GRM7: variants seen among roughly 807,000 people sequenced by gnomAD.
GRM7 encodes the protein glutamate metabotropic receptor 7, also known as metabotropic glutamate receptor 7.
In GRM7, 35 loss-of-function variants were observed where a neutral mutation model predicts 84.5. That is an observed-to-expected ratio of 0.41 (90% CI 0.32 to 0.55). GRM7 has a LOEUF of 0.55. Among genes scored for constraint, GRM7 ranks in the 20% least tolerant of loss-of-function variants. GRM7 has a pLI of 0.19. For missense variants in GRM7, 1,003 were observed against 1,194.6 expected (o/e 0.84, Z 2.36); for synonymous variants, 487 against 455.1 (o/e 1.07, Z -0.89).
In GRM7 at chr3:7,505,523, C is replaced by T. The variant is rs116937210; in HGVS notation, c.1515+43801C>T. Among the ~76,000 whole-genome samples the T allele has an allele frequency of 4.6e-5, 7 of 152,306 alleles. No individual in the cohort carries two copies. In the East Asian group the frequency reaches 1.4e-3, roughly 29 times the overall value. ...CCACCGTGTGGTCTATGTCTAGGCC[C>T]CTAGACTTTTGTGATATCCTTTGAA... On this transcript the variant is annotated intron_variant, in intron 7 of 9. Coordinates refer to ENST00000357716, the MANE Select transcript of GRM7 (RefSeq NM_000844.4).
chr3:7,213,937 A>G (rs1696515692), intron 2 of GRM7, among the ~76,000 whole-genome samples: 1 of 152,208 alleles, frequency 6.6e-6, no homozygotes, highest in Admixed American at 6.5e-5. Context: ...AGTATGTCCC[A>G]GTAAAGAACA....
At chr3:7,186,661 G>C (rs1227113579) in intron 2 of GRM7, among the ~76,000 whole-genome samples, 1 of 152,102 alleles carries the variant, frequency 6.6e-6, no homozygotes, top group African/African-American at 2.4e-5. Flanking sequence ...GCATGATTTT[G>C]TGTTATCATG....
intron 2 of GRM7, among the ~76,000 whole-genome samples, chr3:7,208,029 G>C (rs962767647): frequency 6.6e-6 from 1 of 152,148 alleles, no homozygotes; most frequent in African/African-American, 2.4e-5. Context: ...GCTGCCTTAA[G>C]ATTGAATGTG....
intron 9 of GRM7, among the ~76,000 whole-genome samples, chr3:7,703,190 C>T (rs553714888): frequency 1.3e-5 from 2 of 152,240 alleles, no homozygotes; most frequent in South Asian, 2.1e-4. Flanking sequence ...ATGTTCTCCA[C>T]TCTGATCTTA....
chr3:7,365,112 G>A (rs1169797721), intron 4 of GRM7, among the ~76,000 whole-genome samples: 1 of 151,548 alleles, frequency 6.6e-6, no homozygotes, highest in Non-Finnish European at 1.5e-5. Context: ...ACAGTTTTCT[G>A]GTTTTTCTGT....
Position 7,452,651 on chromosome 3 carries a change from A to C in GRM7, c.1219A>C (p.Lys407Gln), listed in dbSNP as rs144288627. 6.2e-7 allele frequency: 1 copy of C among 1,613,470 alleles called. No homozygotes were observed. Among genetic ancestry groups the C allele is most frequent in the African/African-American group, 1.3e-5 (1 of 75,028 alleles). Reference protein sequence around the residue: ...GKDSNYEQEGKVQFVIDAVYA... With the variant: ...GKDSNYEQEGQVQFVIDAVYA... ...AGATTCCAACTATGAGCAGGAGGGT[A>C]AAGTCCAGTTCGTGATTGACGCAGT... is the stretch of plus-strand genomic sequence containing the variant. The change falls in exon 6 of 10, where the codon AAA becomes CAA. Residue 407 changes from lysine to glutamine, a missense_variant. Physicochemically the swap from Lys to Gln is moderately conservative, Grantham distance 53 (BLOSUM62 1). This residue lies in a region of GRM7 where 910 missense variants were observed against 1,126.0 expected (regional missense o/e 0.81). Coordinates refer to ENST00000357716, the MANE Select transcript of GRM7 (RefSeq NM_000844.4).
At chr3:7,069,535 A>G (rs1465017438) in intron 1 of GRM7, among the ~76,000 whole-genome samples, 2 of 152,084 alleles carry the variant, frequency 1.3e-5, no homozygotes, top group African/African-American at 4.8e-5. Context: ...ATGGAGGGGA[A>G]AAGGGAGAAT....
chr3:7,354,780 C>T (rs1466158446), intron 4 of GRM7, among the ~76,000 whole-genome samples: 2 of 152,186 alleles, frequency 1.3e-5, no homozygotes, highest in Non-Finnish European at 2.9e-5. Flanking sequence ...GTTAACACAT[C>T]TTCTGGTACC....
At chr3:7,614,487 T>C (rs1696991826) in intron 8 of GRM7, among the ~76,000 whole-genome samples, 3 of 152,320 alleles carry the variant, frequency 2.0e-5, no homozygotes, top group Middle Eastern at 3.4e-3. Context: ...GAAGAATATC[T>C]TTCTAGCATT....
intron 9 of GRM7, among the ~76,000 whole-genome samples, chr3:7,715,238 T>A (rs894518813): frequency 6.6e-6 from 1 of 152,036 alleles, no homozygotes; most frequent in African/African-American, 2.4e-5. Context: ...GGGTGGAGGA[T>A]TACTTGAGGC....
intron 2 of GRM7, among the ~76,000 whole-genome samples, chr3:7,192,587 G>T (rs1380303807): frequency 2.6e-5 from 4 of 151,948 alleles, no homozygotes; most frequent in Non-Finnish European, 5.9e-5. Flanking sequence ...GGAAGAAGTT[G>T]TGCCTAAGTG....
At chr3:7,000,263 C>A (rs1377011251) in intron 1 of GRM7, among the ~76,000 whole-genome samples, 1 of 151,540 alleles carries the variant, frequency 6.6e-6, no homozygotes, top group Admixed American at 6.6e-5. Context: ...CTTCTGACTC[C>A]CAGGTTCAAG....
intron 8 of GRM7, among the ~76,000 whole-genome samples, chr3:7,628,336 T>G (rs747509038): frequency 1.3e-5 from 2 of 152,128 alleles, no homozygotes; most frequent in African/African-American, 2.4e-5. Context: ...TTTCACAGCT[T>G]GCCCAGGTCA....
chr3:7,719,794 AC>A (rs1701881817), intron 9 of GRM7, among the ~76,000 whole-genome samples: 1 of 149,266 alleles, frequency 6.7e-6, no homozygotes, highest in African/African-American at 2.5e-5. Context: ...ACACACACAC[AC>A]ACACACACAC....
At chr3:7,143,035 T>C (rs937734883) in intron 1 of GRM7, among the ~76,000 whole-genome samples, 5 of 152,136 alleles carry the variant, frequency 3.3e-5, no homozygotes, top group African/African-American at 9.7e-5. Flanking sequence ...TGCAGTGTTA[T>C]CACACTAAAT....
At chr3:7,248,812 A>G (rs1322794864) in intron 2 of GRM7, among the ~76,000 whole-genome samples, 1 of 152,104 alleles carries the variant, frequency 6.6e-6, no homozygotes, top group East Asian at 1.9e-4. Flanking sequence ...TAGAAGACTA[A>G]ATGAGACAAT....
intron 5 of GRM7, among the ~76,000 whole-genome samples, chr3:7,421,592 C>T (rs987140311): frequency 7.9e-5 from 12 of 151,982 alleles, no homozygotes; most frequent in South Asian, 2.1e-4. Flanking sequence ...TCTGATCCTT[C>T]GGCGTGCATG....
At chr3:7,159,125 G>C (rs1694544244) in intron 2 of GRM7, among the ~76,000 whole-genome samples, 1 of 152,154 alleles carries the variant, frequency 6.6e-6, no homozygotes, top group South Asian at 2.1e-4. Flanking sequence ...AGTTATGTGT[G>C]TGTGAGAAAG....
intron 1 of GRM7, among the ~76,000 whole-genome samples, chr3:7,071,110 A>T (rs1697863660): frequency 6.6e-6 from 1 of 152,024 alleles, no homozygotes; most frequent in South Asian, 2.1e-4. Flanking sequence ...CTCCTTTAGT[A>T]GGTTCCACTA....
Sources: gnomAD v4.1 joint callset for allele counts (sites outside exome capture counted in the v4.1 genomes callset) on GRCh38, gnomAD v4.1.1 for gene constraint, gnomAD v4.1.1 regional missense constraint, MANE v1.5 for transcripts, NCBI Gene and HGNC (gene_info 2026-07-23, HGNC 2026-07-21) for gene names.